TAF1: variants seen among roughly 807,000 people sequenced by gnomAD.
TAF1 encodes TATA-box binding protein associated factor 1.
TAF1 carries 2 observed loss-of-function variants against 138.5 expected under a neutral mutation model. The observed-to-expected ratio is 0.01, with a 90% CI of 0.01 to 0.05. The LOEUF (loss-of-function observed/expected upper bound fraction) is 0.05. Among genes scored for constraint, TAF1 ranks in the 10% least tolerant of loss-of-function variants. The pLI is 1.00. For missense variants in TAF1, 709 were observed against 1,478.0 expected (o/e 0.48, Z 8.53); for synonymous variants, 437 against 503.2 (o/e 0.87, Z 1.76).
Position 71,481,053 on chromosome X carries a change from C to T in TAF1, c.1366+20250C>T, listed in dbSNP as rs186256113. On this transcript the variant is annotated intron_variant and NMD_transcript_variant, in intron 13 of 14. Transcript: ENST00000373775. Reference sequence around the variant, plus strand: ...CAGCATTTTGGGAGGCCGAGGCGGGCGGATCACCTGAGGTCAGGAGTTCAA... The same window carrying T: ...CAGCATTTTGGGAGGCCGAGGCGGGTGGATCACCTGAGGTCAGGAGTTCAA... 3.4e-3 allele frequency among the ~76,000 whole-genome samples: 377 copies of T among 112,178 alleles called. 2 individuals are homozygous for T. The highest frequency in any genetic ancestry group is 0.011 in the African/African-American group (349 of 30,951).
Position 71,375,245 on chromosome X carries a change from G to A in TAF1, c.431G>A (p.Gly144Glu), listed in dbSNP as rs2033388043. The A allele has an allele frequency of 8.3e-7, 1 of 1,208,505 alleles. No homozygotes were observed. Among genetic ancestry groups the A allele is most frequent in the Non-Finnish European group, 1.1e-6 (1 of 894,894 alleles). ...KLMPPPPPPP[G>E]PMKKDKDQDS... ...ATGCCTCCTCCACCTCCACCCCCGG[G>A]ACCAATGAAGAAGGATAAGGACCAG... The change falls in exon 4 of 38, where the codon GGA (glycine) becomes GAA (glutamate). Residue 144 changes from glycine (G) to glutamate (E), a missense_variant. Coordinates refer to ENST00000423759, the MANE Select transcript of TAF1 (RefSeq NM_004606.5).
chrX:71,469,990 C>T (rs185501999), downstream of TAF1, among the ~76,000 whole-genome samples: 437 of 111,788 alleles, frequency 3.9e-3, no homozygotes, highest in Admixed American at 5.7e-3. Flanking sequence ...CGTGAGCCAC[C>T]GTGCCTGGCC....
rs770508322 is a variant in TAF1 at position 71,509,059 on chromosome X, C to T, written c.1367-19483C>T. 2.5e-4 allele frequency among the ~76,000 whole-genome samples: 28 copies of T among 109,996 alleles called. No individual in the cohort carries two copies. The East Asian group carries it at 6.8e-3, about 27-fold the overall frequency. On this transcript the variant is annotated intron_variant and NMD_transcript_variant, in intron 13 of 14. Transcript: ENST00000373775. ...CTGGACTCAAGTGATCTGCCCGCCT[C>T]GGCCTCCCAAAGTGCTGGGATTACA... is the stretch of plus-strand genomic sequence containing the variant.
At chrX:71,505,531 T>A (rs959818393) in intron 13 of TAF1, among the ~76,000 whole-genome samples, 14 of 112,200 alleles carry the variant, frequency 1.2e-4, no homozygotes, top group African/African-American at 4.5e-4. Flanking sequence ...TCCAGTTTAA[T>A]CATGAGAAAA....
chrX:71,513,914 A>G lies in TAF1; in HGVS notation c.1367-14628A>G, dbSNP rs193156072. 3.4e-3 allele frequency among the ~76,000 whole-genome samples: 373 copies of G among 111,206 alleles called. 1 individual carries two copies. The highest frequency in any genetic ancestry group is 0.011 in the African/African-American group (350 of 30,609). On this transcript the variant is annotated intron_variant and NMD_transcript_variant, in intron 13 of 14. Coordinates refer to the TAF1 transcript ENST00000373775. The stretch of plus-strand genomic sequence containing the variant: ...CTAGCTAAAGGATTGTAAATGCACC[A>G]ACCAGCACTCTGTAAAATGGACCAA...
At position 71,378,395 on chromosome X, in the gene TAF1, A is replaced by G; in HGVS notation, c.1094A>G (p.Tyr365Cys). 1 of 1,212,199 alleles carries G rather than the reference A, an allele frequency of 8.2e-7. No individual in the cohort carries two copies. The highest frequency in any genetic ancestry group is 3.0e-5 in the East Asian group (1 of 33,875). The change falls in exon 7 of 38, where the codon TAT (tyrosine) becomes TGT (cysteine). Residue 365 changes from tyrosine (Y) to cysteine (C), a missense_variant. By Grantham distance (194) the Tyr-to-Cys change is radical. Around this residue, in one of 14 missense-constraint regions of TAF1, gnomAD observed 201 missense variants for 421.3 expected, o/e 0.48. Coordinates refer to ENST00000423759, the MANE Select transcript of TAF1 (RefSeq NM_004606.5). ...CCTGAAGATGGCAGTGGGTTTGACT[A>G]TGGCTTCAAACTGAGAAAGACAGAA... ...GVPEDGSGFD[Y>C]GFKLRKTEHE...
chrX:71,529,568 G>A (rs2040065663), intron 14 of TAF1: 1 of 261,916 alleles, frequency 3.8e-6, no homozygotes, highest in African/African-American at 2.8e-5. Flanking sequence ...CCTTGCAAAG[G>A]ATAAAGCCTC....
At chrX:71,373,888 C>G (rs2033277770) in intron 3 of TAF1, among the ~76,000 whole-genome samples, 1 of 109,934 alleles carries the variant, frequency 9.1e-6, no homozygotes, top group Non-Finnish European at 1.9e-5. Context: ...TGTGTCATCT[C>G]TCATTTGAGA....
downstream of TAF1, among the ~76,000 whole-genome samples, chrX:71,468,833 A>G (rs1452852130): frequency 2.8e-5 from 3 of 108,500 alleles, no homozygotes; most frequent in East Asian, 2.9e-4. Context: ...TCTCTACGAA[A>G]AAAAAAAGGG....
intron 13 of TAF1, among the ~76,000 whole-genome samples, chrX:71,480,828 G>T (rs2039057621): frequency 9.0e-6 from 1 of 110,620 alleles, no homozygotes; most frequent in African/African-American, 3.3e-5. Context: ...ATGAAGTGAA[G>T]GAATAAATTA....
chrX:71,518,494 C>A (rs2039862407), intron 13 of TAF1, among the ~76,000 whole-genome samples: 1 of 110,386 alleles, frequency 9.1e-6, no homozygotes, highest in South Asian at 3.9e-4. Flanking sequence ...GTTTACAAAC[C>A]AAAACATGTT....
intron 13 of TAF1, among the ~76,000 whole-genome samples, chrX:71,483,780 C>CTATATATA (rs1556022684): frequency 2.0e-3 from 75 of 37,548 alleles, no homozygotes; most frequent in East Asian, 0.015. Context: ...CTCTCTCTCT[C>CTATATATA]TATATATATA....
chrX:71,496,423 A>G (rs2039395907), intron 13 of TAF1, among the ~76,000 whole-genome samples: 2 of 111,646 alleles, frequency 1.8e-5, no homozygotes, highest in African/African-American at 6.5e-5. Flanking sequence ...TTTTAAATTT[A>G]CCCTGGCTTT....
At chrX:71,445,980 G>A (rs1426779128) in intron 32 of TAF1, among the ~76,000 whole-genome samples, 1 of 105,234 alleles carries the variant, frequency 9.5e-6, no homozygotes, top group Non-Finnish European at 1.9e-5. Flanking sequence ...GCATGATCTC[G>A]GCTCACTGTA....
chrX:71,453,167 T>G (rs917629966), intron 32 of TAF1, among the ~76,000 whole-genome samples: 10 of 111,228 alleles, frequency 9.0e-5, no homozygotes, highest in African/African-American at 3.3e-4. Flanking sequence ...TGGTTTGTTT[T>G]TAGAGCAGCT....
chrX:71,410,460 T>TC (rs2035720432), intron 28 of TAF1, among the ~76,000 whole-genome samples: 1 of 95,340 alleles, frequency 1.0e-5, no homozygotes, highest in Non-Finnish European at 2.1e-5. Flanking sequence ...TTTTCTTTTT[T>TC]TTTTTTTTTT....
At chrX:71,483,788 A>ATG in intron 13 of TAF1, among the ~76,000 whole-genome samples, 1 of 94,769 alleles carries the variant, frequency 1.1e-5, no homozygotes, top group Middle Eastern at 5.2e-3. Context: ...CTCTATATAT[A>ATG]TATATATATA....
At position 71,375,054 on chromosome X, in the gene TAF1, C is replaced by T. The variant is rs1470787052; in HGVS notation, c.353-113C>T. The T allele has an allele frequency of 2.5e-5, 25 of 1,002,616 alleles. No individual in the cohort carries two copies. In the South Asian group the frequency reaches 3.5e-4, roughly 14 times the overall value. The allele number at this position is 1,002,616 out of a possible 1,213,427, so 82.6% of individuals were successfully genotyped here. A position where few individuals can be genotyped will look rare whatever the true frequency, so the allele number is the denominator to read the frequency against. On this transcript the variant is annotated intron_variant, in intron 3 of 37. Coordinates refer to ENST00000423759, the MANE Select transcript of TAF1 (RefSeq NM_004606.5). ...TTGCACCGCTGCACTCCAGCCTGGG[C>T]GACAGAGCAAGACTCTGTCTCAAAA...
At chrX:71,467,953 A>C (rs2038799818), downstream of TAF1, among the ~76,000 whole-genome samples, 1 of 112,163 alleles carries the variant, frequency 8.9e-6, no homozygotes, top group Non-Finnish European at 1.9e-5. Flanking sequence ...GACACCGTGC[A>C]TCAAGAGCAT....
Sources: allele counts gnomAD v4.1 joint callset (sites outside exome capture counted in the v4.1 genomes callset), GRCh38; gene constraint gnomAD v4.1.1; regional missense constraint gnomAD v4.1.1; transcripts MANE v1.5; gene names NCBI Gene and HGNC (gene_info 2026-07-23, HGNC 2026-07-21).